ULK4: variants seen among roughly 807,000 people sequenced by gnomAD.
ULK4 encodes the protein inactive serine/threonine-protein kinase ULK4.
A neutral mutation model predicts 160.6 loss-of-function variants in ULK4; 133 were observed. That is an observed-to-expected ratio of 0.83 (90% CI 0.72 to 0.96). The LOEUF is 0.96. Ranked by LOEUF, ULK4 falls within the 40% of genes least tolerant of loss-of-function variation. The pLI is 0.00. For missense variants in ULK4, 1,580 were observed against 1,499.5 expected (o/e 1.05, Z -0.89); for synonymous variants, 534 against 539.8 (o/e 0.99, Z 0.15).
intron 32 of ULK4, among the ~76,000 whole-genome samples, chr3:41,468,292 G>C (rs2083885129): frequency 1.3e-5 from 2 of 152,110 alleles, no homozygotes; most frequent in African/African-American, 2.4e-5. Context: ...TTTCCCAAAG[G>C]ACAGTCAAAT....
At chr3:41,300,837 T>TATTA (rs1553640531) in intron 35 of ULK4, among the ~76,000 whole-genome samples, 1 of 57,868 alleles carries the variant, frequency 1.7e-5, no homozygotes, top group African/African-American at 4.6e-5. Context: ...ATTTTACAGA[T>TATTA]TATATATATA....
At chr3:41,936,646 G>C (rs150436819) in intron 3 of ULK4, among the ~76,000 whole-genome samples, 26 of 152,312 alleles carry the variant, frequency 1.7e-4, no homozygotes, top group African/African-American at 5.8e-4. Flanking sequence ...ATTATGTTAA[G>C]TGAAATAAGC....
In ULK4 at chr3:41,355,918, T is replaced by C. The variant is rs368565336; in HGVS notation, c.3678+42161A>G. 5.9e-5 allele frequency among the ~76,000 whole-genome samples: 9 copies of C among 152,324 alleles called. 1 individual carries two copies. Among genetic ancestry groups the C allele is most frequent in the Admixed American group, 3.3e-4 (5 of 15,302 alleles). ...AAGTGAAAGAGCTAGCTTAAAAATG[T>C]CATCAAATTCAAAACAGAAAACTTG... On this transcript the variant is annotated intron_variant, in intron 35 of 36. Transcript: ENST00000301831.
At chr3:41,429,862 T>G (rs2082863765) in intron 34 of ULK4, among the ~76,000 whole-genome samples, 2 of 152,166 alleles carry the variant, frequency 1.3e-5, no homozygotes, top group African/African-American at 4.8e-5. Flanking sequence ...TGTTTACCCA[T>G]GTTAACAAAC....
At chr3:41,961,898 G>A (rs1700689574) in intron 1 of ULK4, 118 bp downstream of exon 1, 1 of 152,736 alleles carries the variant, frequency 6.5e-6, no homozygotes, top group Non-Finnish European at 1.5e-5. Flanking sequence ...GGCAGAAGGA[G>A]AGAGGGCGGC....
intron 35 of ULK4, among the ~76,000 whole-genome samples, chr3:41,332,155 A>C (rs2080455521): frequency 6.6e-6 from 1 of 151,918 alleles, no homozygotes; most frequent in African/African-American, 2.4e-5. Context: ...CACTGTGTAG[A>C]GTGCAGGATA....
intron 35 of ULK4, among the ~76,000 whole-genome samples, chr3:41,261,221 G>A (rs562230415): frequency 7.9e-5 from 12 of 152,256 alleles, no homozygotes; most frequent in South Asian, 2.1e-4. Context: ...TGGGATTTGC[G>A]TCAAGAAAGG....
intron 35 of ULK4, among the ~76,000 whole-genome samples, chr3:41,378,634 G>T (rs1438269290): frequency 6.6e-6 from 1 of 151,432 alleles, no homozygotes; most frequent in Non-Finnish European, 1.5e-5. Context: ...GCCTGTCATG[G>T]GGTAGGGGAG....
chr3:41,623,245 G>A (rs1472655736), intron 30 of ULK4, among the ~76,000 whole-genome samples: 1 of 152,084 alleles, frequency 6.6e-6, no homozygotes, highest in African/African-American at 2.4e-5. Context: ...GGCCTCCCAG[G>A]AGCTTATTTG....
At chr3:41,743,377 CA>C (rs1371498753) in intron 22 of ULK4, among the ~76,000 whole-genome samples, 2 of 151,192 alleles carry the variant, frequency 1.3e-5, no homozygotes, top group African/African-American at 4.9e-5. Context: ...CAGTAATCTT[CA>C]GGAATAAAGG....
intron 35 of ULK4, among the ~76,000 whole-genome samples, chr3:41,366,170 T>C (rs1318868761): frequency 6.6e-6 from 1 of 152,166 alleles, no homozygotes; most frequent in African/African-American, 2.4e-5. Flanking sequence ...CAGACAGCCC[T>C]GGGCAACACA....
intron 29 of ULK4, among the ~76,000 whole-genome samples, chr3:41,671,383 A>G (rs1014890423): frequency 6.6e-6 from 1 of 152,168 alleles, no homozygotes; most frequent in Non-Finnish European, 1.5e-5. Context: ...GTATTGGTAT[A>G]AAAACAGACA....
At chr3:41,370,279 A>G (rs1338707684) in intron 35 of ULK4, among the ~76,000 whole-genome samples, 1 of 152,196 alleles carries the variant, frequency 6.6e-6, no homozygotes, top group African/African-American at 2.4e-5. Context: ...GAAATCCATA[A>G]TGTTTCTAGA....
chr3:41,703,857 C>A (rs561123295), intron 27 of ULK4, among the ~76,000 whole-genome samples: 9 of 151,052 alleles, frequency 6.0e-5, no homozygotes, highest in Admixed American at 5.9e-4. Context: ...CACACACACA[C>A]ACACACACAC....
chr3:41,267,520 T>C (rs1295405561), intron 35 of ULK4, among the ~76,000 whole-genome samples: 1 of 152,162 alleles, frequency 6.6e-6, no homozygotes, highest in Non-Finnish European at 1.5e-5. Flanking sequence ...TTCCTTTGGG[T>C]ATATACCCAG....
At chr3:41,946,828 G>A (rs1700126619) in intron 2 of ULK4, among the ~76,000 whole-genome samples, 1 of 152,136 alleles carries the variant, frequency 6.6e-6, no homozygotes. Context: ...TCTGGATCCT[G>A]ATAAGCCTAA....
chr3:41,262,274 C>T (rs1025901231), intron 35 of ULK4, among the ~76,000 whole-genome samples: 5 of 152,196 alleles, frequency 3.3e-5, no homozygotes, highest in African/African-American at 1.2e-4. Context: ...CTAGTCCCAG[C>T]TTCCAGGGGC....
chr3:41,267,038 CTTT>C (rs57502036), intron 35 of ULK4, among the ~76,000 whole-genome samples: 3 of 100,440 alleles, frequency 3.0e-5, no homozygotes, highest in Non-Finnish European at 2.1e-5. Context: ...GGGTTTAAGG[CTTT>C]TTTTTTTTTT....
intron 35 of ULK4, among the ~76,000 whole-genome samples, chr3:41,317,790 G>A (rs2080173795): frequency 6.6e-6 from 1 of 152,194 alleles, no homozygotes; most frequent in Non-Finnish European, 1.5e-5. Flanking sequence ...GATTTATCCT[G>A]TAGCCCAGTG....
Sources: gnomAD v4.1 joint callset for allele counts (sites outside exome capture counted in the v4.1 genomes callset) on GRCh38, gnomAD v4.1.1 for gene constraint, MANE v1.5 for transcripts, NCBI Gene and HGNC (gene_info 2026-07-23, HGNC 2026-07-21) for gene names.